FHIT: variants seen among roughly 807,000 people sequenced by gnomAD.
The protein encoded by FHIT is fragile histidine triad diadenosine triphosphatase.
In FHIT, 19 loss-of-function variants were observed where a neutral mutation model predicts 17.9. The ratio of observed to expected loss-of-function variants is 1.06; its 90% confidence interval spans 0.74 to 1.56. FHIT has a LOEUF of 1.56. Ranked by LOEUF, FHIT falls within the 40% of genes most tolerant of loss-of-function variation. The pLI, the probability that FHIT is intolerant of heterozygous loss-of-function variation, is 0.00. For missense variants in FHIT, 248 were observed against 189.2 expected (o/e 1.31, Z -1.82); for synonymous variants, 81 against 69.7 (o/e 1.16, Z -0.81).
chr3:60,481,261 A>C (rs1461024335), intron 5 of FHIT, among the ~76,000 whole-genome samples: 1 of 152,198 alleles, frequency 6.6e-6, no homozygotes, highest in Non-Finnish European at 1.5e-5. Flanking sequence ...TCAGGATATT[A>C]TCCAGGAGAG....
At chr3:60,038,166 T>A (rs975329718) in intron 5 of FHIT, among the ~76,000 whole-genome samples, 12 of 152,232 alleles carry the variant, frequency 7.9e-5, no homozygotes, top group Non-Finnish European at 1.5e-5. Flanking sequence ...ATGTTCAGTT[T>A]CCTAACCACT....
At chr3:59,979,739 C>T (rs1708569622) in intron 7 of FHIT, among the ~76,000 whole-genome samples, 1 of 152,106 alleles carries the variant, frequency 6.6e-6, no homozygotes, top group Admixed American at 6.6e-5. Context: ...GGTCGCTATA[C>T]TCCCACCCTG....
intron 3 of FHIT, among the ~76,000 whole-genome samples, chr3:60,868,241 T>C (rs562949473): frequency 6.6e-6 from 1 of 152,290 alleles, no homozygotes; most frequent in South Asian, 2.1e-4. Flanking sequence ...TATATTTCCA[T>C]TTGGAAAACA....
intron 5 of FHIT, among the ~76,000 whole-genome samples, chr3:60,204,731 G>C (rs1047055472): frequency 2.0e-5 from 3 of 152,110 alleles, no homozygotes; most frequent in Non-Finnish European, 4.4e-5. Flanking sequence ...ATGAAAATAA[G>C]GGGAAATACC....
intron 8 of FHIT, among the ~76,000 whole-genome samples, chr3:59,770,431 C>T (rs748890281): frequency 3.9e-5 from 6 of 152,004 alleles, no homozygotes; most frequent in Non-Finnish European, 7.4e-5. Flanking sequence ...AAATTTGGAC[C>T]CAGCAGCTGC....
At chr3:61,033,579 T>C (rs1327218045) in intron 3 of FHIT, among the ~76,000 whole-genome samples, 1 of 152,212 alleles carries the variant, frequency 6.6e-6, no homozygotes, top group Non-Finnish European at 1.5e-5. Flanking sequence ...TAAAATTACA[T>C]ATGGGGCTTA....
intron 5 of FHIT, among the ~76,000 whole-genome samples, chr3:60,057,813 T>C (rs1702141586): frequency 6.6e-6 from 1 of 152,168 alleles, no homozygotes; most frequent in African/African-American, 2.4e-5. Flanking sequence ...CCTGTTTTCT[T>C]ATACATTATT....
At chr3:59,954,203 C>A (rs1337464736) in intron 7 of FHIT, among the ~76,000 whole-genome samples, 1 of 143,448 alleles carries the variant, frequency 7.0e-6, no homozygotes. Context: ...CAGCATTTTT[C>A]AGAAGTTATT....
At chr3:60,025,963 G>C (rs960439302) in intron 5 of FHIT, among the ~76,000 whole-genome samples, 1 of 152,116 alleles carries the variant, frequency 6.6e-6, no homozygotes, top group Non-Finnish European at 1.5e-5. Context: ...TTTCAAGATA[G>C]TGATTTGTAT....
intron 5 of FHIT, among the ~76,000 whole-genome samples, chr3:60,399,136 A>T (rs1170233854): frequency 6.6e-6 from 1 of 152,172 alleles, no homozygotes; most frequent in Non-Finnish European, 1.5e-5. Context: ...GAACTAAATA[A>T]GTGGCTTAAA....
intron 1 of FHIT, among the ~76,000 whole-genome samples, chr3:61,212,466 GAAAC>G (rs1351193823): frequency 1.3e-5 from 2 of 152,174 alleles, no homozygotes; most frequent in African/African-American, 4.8e-5. Flanking sequence ...ATAATAAAAA[GAAAC>G]AAACAAAGCC....
rs181859568 is a variant in FHIT, at chr3:60,771,854, C to G, written c.-18+50065G>C. On this transcript the variant is annotated intron_variant, in intron 4 of 9. Coordinates refer to ENST00000492590, the MANE Select transcript of FHIT (RefSeq NM_002012.4). ...ATTGTTCATTTTCACCAGCCTGGAA[C>G]TTTAAAAAAATTCACATTCTCTTCT... Among the ~76,000 whole-genome samples the G allele has an allele frequency of 1.2e-3, 183 of 152,252 alleles. 2 individuals carry two copies. Among genetic ancestry groups the G allele is most frequent in the Admixed American group, 4.4e-3 (68 of 15,302 alleles).
intron 4 of FHIT, among the ~76,000 whole-genome samples, chr3:60,561,852 T>C (rs1389796761): frequency 6.6e-6 from 1 of 151,838 alleles, no homozygotes; most frequent in Non-Finnish European, 1.5e-5. Context: ...CATTCTCTCT[T>C]TTTTATTGCC....
chr3:59,901,806 A>G (rs756444398), intron 8 of FHIT, among the ~76,000 whole-genome samples: 21 of 152,322 alleles, frequency 1.4e-4, no homozygotes, highest in Non-Finnish European at 1.9e-4. Context: ...ATGAAAACAT[A>G]TATCCACACA....
intron 5 of FHIT, among the ~76,000 whole-genome samples, chr3:60,441,605 A>G (rs2030806175): frequency 6.7e-6 from 1 of 150,140 alleles, no homozygotes; most frequent in Non-Finnish European, 1.5e-5. Context: ...TCACATACAA[A>G]CTGGTTAGTA....
At chr3:60,842,144 G>A (rs1370798937) in intron 3 of FHIT, among the ~76,000 whole-genome samples, 1 of 152,104 alleles carries the variant, frequency 6.6e-6, no homozygotes, top group East Asian at 1.9e-4. Flanking sequence ...TCATGGGTGG[G>A]CATATCCTGC....
At chr3:60,944,500 T>C (rs782133756) in intron 3 of FHIT, among the ~76,000 whole-genome samples, 16 of 152,240 alleles carry the variant, frequency 1.1e-4, no homozygotes, top group Non-Finnish European at 1.5e-4. Context: ...TGTGCTCTTC[T>C]TGAAGATAAT....
intron 4 of FHIT, among the ~76,000 whole-genome samples, chr3:60,799,448 A>ACAGGCAT (rs1553731561): frequency 6.6e-6 from 1 of 152,228 alleles, no homozygotes; most frequent in Non-Finnish European, 1.5e-5. Context: ...TGCTGGGATT[A>ACAGGCAT]CAGGCATGAG....
intron 5 of FHIT, among the ~76,000 whole-genome samples, chr3:60,208,070 C>A (rs1164180465): frequency 1.3e-5 from 2 of 152,162 alleles, no homozygotes; most frequent in African/African-American, 4.8e-5. Context: ...AAACACTTTA[C>A]TTATGACCTA....
Sources: allele counts gnomAD v4.1 joint callset (sites outside exome capture counted in the v4.1 genomes callset), GRCh38; gene constraint gnomAD v4.1.1; transcripts MANE v1.5; gene names NCBI Gene and HGNC (gene_info 2026-07-23, HGNC 2026-07-21).